LOC128125818: variants seen among roughly 807,000 people sequenced by gnomAD.
At chr4:6,066,947 C>T in the LOC128125818 span, among the ~76,000 whole-genome samples, 13 of 152,268 alleles carry the variant, frequency 8.5e-5, no homozygotes, top group African/African-American at 2.2e-4. Flanking sequence ...CGCTCCGAGA[C>T]GCTCTTCCCC....
At chr4:6,065,041 G>A in the LOC128125818 span, 23 of 1,613,184 alleles carry the variant, frequency 1.4e-5, 1 homozygote, top group Middle Eastern at 1.6e-4. This position sits in a 1 kb window ranked among gnomAD's most constrained non-coding sequence, Gnocchi z 5.1. Flanking sequence ...TGTTAGCAAC[G>A]ACTGAGGATT....
At chr4:6,066,473 T>C in the LOC128125818 span, among the ~76,000 whole-genome samples, 6 of 152,114 alleles carry the variant, frequency 3.9e-5, no homozygotes, top group African/African-American at 1.4e-4. Context: ...GCATGGGGAA[T>C]ACGACTCTCC....
chr4:6,065,865 C>G, the LOC128125818 span, among the ~76,000 whole-genome samples: 615 of 152,270 alleles, frequency 4.0e-3, 2 homozygotes, highest in African/African-American at 0.014. This position sits in a 1 kb window ranked among gnomAD's most constrained non-coding sequence, Gnocchi z 5.1. Context: ...CGGGGCAGGC[C>G]TGGGGAATAC....
the LOC128125818 span, among the ~76,000 whole-genome samples, chr4:6,066,482 C>T: frequency 5.9e-5 from 9 of 152,140 alleles, no homozygotes; most frequent in Admixed American, 5.2e-4. Flanking sequence ...ATACGACTCT[C>T]CCCCGAACTC....
chr4:6,069,680 G>A, the LOC128125818 span, among the ~76,000 whole-genome samples: 3 of 151,864 alleles, frequency 2.0e-5, no homozygotes, highest in Admixed American at 2.0e-4. This position sits in a 1 kb window ranked among gnomAD's most constrained non-coding sequence, Gnocchi z 4.5. Flanking sequence ...TTGAGCCTGG[G>A]AGGTTGGGGC....
At chr4:6,067,326 ATCAGTTGG>A in the LOC128125818 span, among the ~76,000 whole-genome samples, 4 of 152,338 alleles carry the variant, frequency 2.6e-5, no homozygotes, top group South Asian at 8.3e-4. The surrounding 1 kb of genome is among the most constrained non-coding windows in gnomAD (Gnocchi z 4.6). Flanking sequence ...CACAGCTGGC[ATCAGTTGG>A]GCACCATGTG....
the LOC128125818 span, among the ~76,000 whole-genome samples, chr4:6,067,966 G>T: frequency 6.6e-6 from 1 of 152,132 alleles, no homozygotes; most frequent in Non-Finnish European, 1.5e-5. This position sits in a 1 kb window ranked among gnomAD's most constrained non-coding sequence, Gnocchi z 4.6. Context: ...TGTTGCTGTA[G>T]CCCAGGAAGC....
chr4:6,068,812 C>T, the LOC128125818 span, among the ~76,000 whole-genome samples: 9 of 152,234 alleles, frequency 5.9e-5, no homozygotes, highest in African/African-American at 1.4e-4. Context: ...TCAAGTGATC[C>T]GTCTACCTCG....
At chr4:6,065,094 G>A in the LOC128125818 span, 3 of 1,538,120 alleles carry the variant, frequency 2.0e-6, no homozygotes, top group Non-Finnish European at 2.7e-6. This position sits in a 1 kb window ranked among gnomAD's most constrained non-coding sequence, Gnocchi z 5.1. Context: ...GCCAGTGCAG[G>A]GGGGTGATGA....
the LOC128125818 span, among the ~76,000 whole-genome samples, chr4:6,066,719 GCCCTCTCTCC>G: frequency 6.6e-6 from 1 of 151,794 alleles, no homozygotes. Context: ...TCAAAATCCA[GCCCTCTCTCC>G]CCCTCTCTCC....
chr4:6,064,991 T>C, the LOC128125818 span: 1 of 1,614,164 alleles, frequency 6.2e-7, no homozygotes, highest in Non-Finnish European at 8.5e-7. This position sits in a 1 kb window ranked among gnomAD's most constrained non-coding sequence, Gnocchi z 4.3. Flanking sequence ...ATCCAAAAAA[T>C]GTCTCCACAA....
At chr4:6,067,363 G>C in the LOC128125818 span, among the ~76,000 whole-genome samples, 25 of 152,192 alleles carry the variant, frequency 1.6e-4, no homozygotes, top group African/African-American at 6.0e-4. The surrounding 1 kb of genome is among the most constrained non-coding windows in gnomAD (Gnocchi z 4.6). Flanking sequence ...CCCCAGATGA[G>C]TCTCATTGGC....
chr4:6,069,354 T>C, the LOC128125818 span, among the ~76,000 whole-genome samples: 4 of 152,198 alleles, frequency 2.6e-5, no homozygotes, highest in African/African-American at 9.6e-5. This position sits in a 1 kb window ranked among gnomAD's most constrained non-coding sequence, Gnocchi z 4.5. Context: ...TCTGAGCCCA[T>C]CTACTGAATA....
chr4:6,067,772 AC>A, the LOC128125818 span, among the ~76,000 whole-genome samples: 1 of 141,420 alleles, frequency 7.1e-6, no homozygotes, highest in Non-Finnish European at 1.5e-5. This position sits in a 1 kb window ranked among gnomAD's most constrained non-coding sequence, Gnocchi z 4.6. Context: ...CCTGAGCTCC[AC>A]GTTCACTCAA....
At chr4:6,067,481 C>T in the LOC128125818 span, among the ~76,000 whole-genome samples, 5 of 152,186 alleles carry the variant, frequency 3.3e-5, no homozygotes, top group Admixed American at 1.3e-4. The surrounding 1 kb of genome is among the most constrained non-coding windows in gnomAD (Gnocchi z 4.6). Flanking sequence ...GAACCCCACC[C>T]GACTTCAGGC....
At chr4:6,065,328 C>T in the LOC128125818 span, among the ~76,000 whole-genome samples, 26 of 152,228 alleles carry the variant, frequency 1.7e-4, no homozygotes, top group Admixed American at 3.9e-4. This position sits in a 1 kb window ranked among gnomAD's most constrained non-coding sequence, Gnocchi z 5.1. Context: ...ATTGAGAAGC[C>T]ACCTCACCTG....
the LOC128125818 span, among the ~76,000 whole-genome samples, chr4:6,066,939 C>T: frequency 6.6e-6 from 1 of 152,168 alleles, no homozygotes; most frequent in Non-Finnish European, 1.5e-5. Context: ...GGCCTTTGCG[C>T]TCCGAGACGC....
Sources: allele counts gnomAD v4.1 joint callset (sites outside exome capture counted in the v4.1 genomes callset), GRCh38; gene constraint gnomAD v4.1.1; non-coding constraint Gnocchi (gnomAD v3.1); transcripts MANE v1.5.